Variants in TRHDE observed in about 807,000 individuals in gnomAD.
TRHDE encodes thyrotropin-releasing hormone-degrading ectoenzyme.
TRHDE carries 72 observed loss-of-function variants against 125.7 expected under a neutral mutation model. That is an observed-to-expected ratio of 0.57 (90% CI 0.47 to 0.70). TRHDE has a LOEUF of 0.70. TRHDE is among the 30% of genes least tolerant of loss of function. The pLI, the probability that TRHDE is intolerant of heterozygous loss-of-function variation, is 0.00. For synonymous variants in TRHDE, 509 were observed against 509.1 expected (o/e 1.00, Z 0.00); for missense variants, 1,110 against 1,327.1 (o/e 0.84, Z 2.54).
chr12:72,103,862 C>T (rs530084782), intron 1 of TRHDE, among the ~76,000 whole-genome samples: 6 of 152,112 alleles, frequency 3.9e-5, no homozygotes, highest in South Asian at 2.1e-4. Flanking sequence ...AATACTGAGC[C>T]GCTCCTGTGT....
intron 12 of TRHDE, among the ~76,000 whole-genome samples, chr12:72,593,877 G>A (rs1871805813): frequency 6.6e-6 from 1 of 152,112 alleles, no homozygotes; most frequent in African/African-American, 2.4e-5. Context: ...AGTATTCCAT[G>A]GTGTATATGT....
intron 2 of TRHDE, among the ~76,000 whole-genome samples, chr12:72,175,178 C>G (rs1876960805): frequency 1.3e-5 from 2 of 152,198 alleles, no homozygotes; most frequent in Non-Finnish European, 2.9e-5. Context: ...TTGTTGGCAA[C>G]TACCATTCAA....
Position 72,518,623 on chromosome 12 carries a change from T to A in TRHDE, c.1722+18988T>A, listed in dbSNP as rs545939890. Among the ~76,000 whole-genome samples the A allele has an allele frequency of 1.6e-3, 247 of 152,268 alleles. 2 individuals are homozygous for A. The highest frequency in any genetic ancestry group is 5.8e-3 in the African/African-American group (241 of 41,538). On this transcript the variant is annotated intron_variant, in intron 6 of 18. Transcript: ENST00000261180. Reference sequence around the variant, plus strand: ...CAATTTCCCAGTCTGTGTCTTTTAATTGGAGCATTTAGTCCATTTACATTT... The same window carrying A: ...CAATTTCCCAGTCTGTGTCTTTTAAATGGAGCATTTAGTCCATTTACATTT...
At chr12:72,201,865 A>G (rs1565661341) in intron 2 of TRHDE, among the ~76,000 whole-genome samples, 1 of 152,196 alleles carries the variant, frequency 6.6e-6, no homozygotes, top group Non-Finnish European at 1.5e-5. Context: ...TGTCATAGCC[A>G]CATCCTGTCA....
intron 5 of TRHDE, among the ~76,000 whole-genome samples, chr12:72,478,586 G>A (rs939650026): frequency 6.6e-6 from 1 of 152,120 alleles, no homozygotes; most frequent in Non-Finnish European, 1.5e-5. Context: ...ACGGGAGAAA[G>A]GTTTGCTTTT....
rs370394091 is a variant in TRHDE at position 72,285,522 on chromosome 12, C to CTTTTTTTT, written c.915-1149_915-1142dup. Among the ~76,000 whole-genome samples, 4 of 131,440 alleles carry CTTTTTTTT rather than the reference C, an allele frequency of 3.0e-5. 1 individual carries two copies. The highest frequency in any genetic ancestry group is 3.2e-5 in the Non-Finnish European group (2 of 63,240). The allele number at this position is 131,440 out of a possible 152,430, so 86.2% of individuals were successfully genotyped here. A position where few individuals can be genotyped will look rare whatever the true frequency, so the allele number is the denominator to read the frequency against. On this transcript the variant is annotated intron_variant, in intron 1 of 18. Transcript: ENST00000261180. ...AGTGTCTGAGTGTCCTTTTTTTCTT[C>CTTTTTTTT]TTTTTTTTTTTTTTTTTGAGACAGG...
intron 2 of TRHDE, among the ~76,000 whole-genome samples, chr12:72,363,050 T>C: frequency 6.6e-6 from 1 of 152,072 alleles, no homozygotes; most frequent in East Asian, 1.9e-4. Flanking sequence ...CGATGCAGGC[T>C]CTTTTTTGGT....
intron 5 of TRHDE, among the ~76,000 whole-genome samples, chr12:72,488,512 T>A (rs2135922773): frequency 6.6e-6 from 1 of 152,104 alleles, no homozygotes; most frequent in East Asian, 1.9e-4. Flanking sequence ...ATGTAAAGCA[T>A]GTATTAATGG....
rs567963990 is a variant in TRHDE at position 72,369,696 on chromosome 12, C to T, written c.1189-8299C>T. ...AGACAGTAGTTACAGAAAGTTGACC[C>T]TCCAGTCCCTGCATACCATTTCCTA... On this transcript the variant is annotated intron_variant, in intron 2 of 18. Coordinates refer to ENST00000261180, the MANE Select transcript of TRHDE (RefSeq NM_013381.3). Among the ~76,000 whole-genome samples, 28 of 152,158 alleles carry T rather than the reference C, an allele frequency of 1.8e-4. No individual in the cohort carries two copies. The South Asian group carries it at 5.4e-3, about 29-fold the overall frequency.
At chr12:72,275,886 A>G (rs1322973130) in intron 1 of TRHDE, among the ~76,000 whole-genome samples, 1 of 152,154 alleles carries the variant, frequency 6.6e-6, no homozygotes, top group Non-Finnish European at 1.5e-5. Flanking sequence ...TCCCAATAGA[A>G]ATGCAGAACT....
At chr12:72,604,433 CTTAATA>C (rs1872344351) in intron 12 of TRHDE, among the ~76,000 whole-genome samples, 1 of 126,094 alleles carries the variant, frequency 7.9e-6, no homozygotes, top group African/African-American at 3.8e-5. Context: ...GTTTCTGCTT[CTTAATA>C]TTAAACATGT....
At chr12:72,193,521 A>G (rs1877379753) in intron 2 of TRHDE, among the ~76,000 whole-genome samples, 1 of 152,170 alleles carries the variant, frequency 6.6e-6, no homozygotes, top group Non-Finnish European at 1.5e-5. Context: ...GATTAATACA[A>G]GAGGCAGCTA....
chr12:72,342,498 G>C (rs2135731464), intron 2 of TRHDE, among the ~76,000 whole-genome samples: 1 of 152,160 alleles, frequency 6.6e-6, no homozygotes, highest in East Asian at 1.9e-4. Context: ...CCTAAAGAAA[G>C]AAATAATGAA....
intron 2 of TRHDE, among the ~76,000 whole-genome samples, chr12:72,208,033 A>G (rs1028838800): frequency 1.3e-5 from 2 of 152,094 alleles, no homozygotes; most frequent in African/African-American, 2.4e-5. Context: ...TGCCCCCTCC[A>G]TAACTGTCCC....
intron 3 of TRHDE, among the ~76,000 whole-genome samples, chr12:72,396,908 T>C (rs1336384220): frequency 6.6e-6 from 1 of 152,218 alleles, no homozygotes; most frequent in African/African-American, 2.4e-5. Context: ...AAGAATGGAC[T>C]CCTTGGTCTC....
rs553415234 is a variant in TRHDE, at chr12:72,155,033, A to G, written n.279+49281A>G. 1.8e-3 allele frequency among the ~76,000 whole-genome samples: 276 copies of G among 152,318 alleles called. 3 individuals are homozygous for G. Among genetic ancestry groups the G allele is most frequent in the South Asian group, 5.6e-3 (27 of 4,826 alleles). ...CTCCCCGTCACTTTCAGGTACACCA[A>G]TCAGACGTAGATTTGGTCTTTTCAC... is the stretch of plus-strand genomic sequence containing the variant. On this transcript the variant is annotated intron_variant and non_coding_transcript_variant, in intron 2 of 4. Coordinates refer to the TRHDE transcript ENST00000548156.
intron 2 of TRHDE, among the ~76,000 whole-genome samples, chr12:72,341,294 C>T (rs1375159805): frequency 3.3e-5 from 5 of 151,964 alleles, no homozygotes; most frequent in African/African-American, 9.6e-5. Context: ...GCCCCCAACC[C>T]CCTGATGTTC....
intron 3 of TRHDE, among the ~76,000 whole-genome samples, chr12:72,419,779 A>C (rs943756500): frequency 3.3e-5 from 5 of 152,198 alleles, no homozygotes; most frequent in African/African-American, 4.8e-5. Context: ...TAAGGGAGAT[A>C]ACTGATGTAA....
Position 72,668,315 on chromosome 12 carries a change from T to C in TRHDE, c.*5120T>C, listed in dbSNP as rs1199543819. ...ATTTAATAAAAGCAGTTGTTAAAAA[T>C]ATATGTTCTAATGTTAACTATATGA... On this transcript the variant is annotated 3_prime_UTR_variant, in exon 19 of 19. Coordinates refer to ENST00000261180, the MANE Select transcript of TRHDE (RefSeq NM_013381.3). 5 of 151,814 alleles carry C rather than the reference T, an allele frequency of 3.3e-5. No homozygotes were observed. The highest frequency in any genetic ancestry group is 9.7e-5 in the African/African-American group (4 of 41,436). The allele number at this position is 151,814 out of a possible 1,614,324, so 9.4% of individuals were successfully genotyped here. A position where few individuals can be genotyped will look rare whatever the true frequency, so the allele number is the denominator to read the frequency against.
Sources: gnomAD v4.1 joint callset for allele counts (sites outside exome capture counted in the v4.1 genomes callset) on GRCh38, gnomAD v4.1.1 for gene constraint, MANE v1.5 for transcripts, NCBI Gene and HGNC (gene_info 2026-07-23, HGNC 2026-07-21) for gene names.